The following KIZ variants were observed in gnomAD, a reference collection of about 807,000 sequenced individuals.
KIZ encodes the protein kizuna centrosomal protein, also known as centrosomal protein kizuna.
A neutral mutation model predicts 79.6 loss-of-function variants in KIZ; 68 were observed. The observed-to-expected ratio is 0.85, with a 90% CI of 0.70 to 1.05. The LOEUF (loss-of-function observed/expected upper bound fraction) is 1.05. Ranked by LOEUF, KIZ falls within the 50% of genes least tolerant of loss-of-function variation. The probability of loss-of-function intolerance (pLI) is 0.00; values close to 1 mark genes in which losing one functional copy is unlikely to be tolerated. For missense variants in KIZ, 797 were observed against 800.4 expected, an observed-to-expected ratio of 1.00 and a Z score of 0.05; for synonymous variants, 280 against 281.8, an observed-to-expected ratio of 0.99 and a Z score of 0.06.
chr20:21,172,840 T>G (rs1235030828), intron 6 of KIZ, among the ~76,000 whole-genome samples: 1 of 152,130 alleles, frequency 6.6e-6, no homozygotes, highest in African/African-American at 2.4e-5. Context: ...GTCTCTTAGT[T>G]TATACTTCTT....
intron 6 of KIZ, among the ~76,000 whole-genome samples, chr20:21,171,729 G>A (rs1400097142): frequency 6.6e-6 from 1 of 152,234 alleles, no homozygotes; most frequent in Non-Finnish European, 1.5e-5. Context: ...ACAGGCATGA[G>A]CCACCATGCC....
chr20:21,152,341 A>G (rs2033160341), intron 4 of KIZ, among the ~76,000 whole-genome samples: 1 of 152,194 alleles, frequency 6.6e-6, no homozygotes. Flanking sequence ...TGGTTAGTTC[A>G]TTTTAGGAAG....
intron 6 of KIZ, among the ~76,000 whole-genome samples, chr20:21,167,302 G>A (rs533434308): frequency 1.4e-4 from 21 of 152,310 alleles, no homozygotes; most frequent in African/African-American, 4.6e-4. Context: ...TAATGACTGG[G>A]AACAGGCTGA....
chr20:21,167,656 G>A (rs539271938), intron 6 of KIZ, among the ~76,000 whole-genome samples: 1 of 149,000 alleles, frequency 6.7e-6, no homozygotes, highest in East Asian at 2.1e-4. Context: ...CCACCTCCCG[G>A]GTGCAAGCTA....
At chr20:21,224,592 C>T (rs1057327638) in intron 9 of KIZ, among the ~76,000 whole-genome samples, 3 of 152,202 alleles carry the variant, frequency 2.0e-5, no homozygotes, top group African/African-American at 7.2e-5. Flanking sequence ...GGTTCAAGGT[C>T]GGTTTTTTAG....
intron 4 of KIZ, among the ~76,000 whole-genome samples, chr20:21,145,974 A>G (rs548011861): frequency 1.3e-5 from 2 of 152,344 alleles, no homozygotes; most frequent in East Asian, 3.9e-4. Context: ...TGAAAAGTAA[A>G]CAAAATATGG....
chr20:21,204,930 G>A (rs2035754224), intron 6 of KIZ, among the ~76,000 whole-genome samples: 1 of 152,140 alleles, frequency 6.6e-6, no homozygotes, highest in South Asian at 2.1e-4. Flanking sequence ...GACCATCTAT[G>A]CAGTGATTCA....
chr20:21,162,964 A>G lies in KIZ; in HGVS notation c.1157A>G (p.Asp386Gly). The G allele has an allele frequency of 1.2e-6, 2 of 1,613,902 alleles. No homozygotes were observed. Among genetic ancestry groups the G allele is most frequent in the Non-Finnish European group, 1.7e-6 (2 of 1,179,832 alleles). ...SDLTISISEDDLILESPEPQP... is the reference protein window; with the variant it reads ...SDLTISISEDGLILESPEPQP... ...CTTACCATTTCAATAAGTGAAGATG[A>G]TCTGATTTTAGAGAGCCCAGAACCA... is the stretch of plus-strand genomic sequence containing the variant. Residue 386 changes from aspartate (D) to glycine (G), a missense_variant, in exon 6 of 13, where the codon GAT (aspartate) becomes GGT (glycine). Transcript: ENST00000619189.
At chr20:21,232,120 C>T (rs922700376) in intron 10 of KIZ, among the ~76,000 whole-genome samples, 1 of 152,196 alleles carries the variant, frequency 6.6e-6, no homozygotes, top group Non-Finnish European at 1.5e-5. Flanking sequence ...AGGCTGAGAA[C>T]TCCCAAGAGG....
At chr20:21,236,859 G>A (rs943710063) in intron 11 of KIZ, among the ~76,000 whole-genome samples, 2 of 151,942 alleles carry the variant, frequency 1.3e-5, no homozygotes, top group Non-Finnish European at 2.9e-5. Flanking sequence ...AATTAGCCAG[G>A]TGTGGTGGTG....
chr20:21,205,379 G>C, intron 6 of KIZ, 112 bp from the exon 7 acceptor site: 1 of 523,426 alleles, frequency 1.9e-6, no homozygotes, highest in East Asian at 3.3e-5. Context: ...AATATGTTGA[G>C]TTCCAGACTT....
chr20:21,231,992 C>A (rs2036849775), intron 10 of KIZ, among the ~76,000 whole-genome samples: 2 of 152,184 alleles, frequency 1.3e-5, no homozygotes, highest in Admixed American at 1.3e-4. Flanking sequence ...AGTGTACATG[C>A]AAGCAGGCAG....
At chr20:21,154,833 G>A (rs2033295712) in intron 4 of KIZ, among the ~76,000 whole-genome samples, 1 of 152,142 alleles carries the variant, frequency 6.6e-6, no homozygotes, top group Non-Finnish European at 1.5e-5. Context: ...CTGTTGCTAA[G>A]CTAATAAAAT....
intron 9 of KIZ, among the ~76,000 whole-genome samples, chr20:21,220,124 A>G (rs570669571): frequency 1.5e-4 from 23 of 149,624 alleles, no homozygotes; most frequent in Non-Finnish European, 3.1e-4. Flanking sequence ...TACAATATAT[A>G]TTAGTTATAT....
rs535014495 is a variant in KIZ at position 21,173,727 on chromosome 20, T to G, written c.1352+10568T>G. ...AAGGAACATGTAGGAGGCACAGACT[T>G]GAAGGAAAGAAAATCAAGACAGAAG... On this transcript the variant is annotated intron_variant, in intron 6 of 12. Coordinates refer to ENST00000619189, the MANE Select transcript of KIZ (RefSeq NM_018474.6). Among the ~76,000 whole-genome samples, 4 of 152,062 alleles carry G rather than the reference T, an allele frequency of 2.6e-5. 1 individual carries two copies. The highest frequency in any genetic ancestry group is 9.6e-5 in the African/African-American group (4 of 41,470).
chr20:21,133,694 CAG>C (rs536115950), intron 2 of KIZ, among the ~76,000 whole-genome samples: 22 of 152,344 alleles, frequency 1.4e-4, no homozygotes, highest in African/African-American at 5.1e-4. Context: ...TGCCAGAAGG[CAG>C]AGTCTGAGAC....
At chr20:21,232,056 G>C (rs1266717194) in intron 10 of KIZ, among the ~76,000 whole-genome samples, 2 of 152,220 alleles carry the variant, frequency 1.3e-5, no homozygotes, top group African/African-American at 2.4e-5. Context: ...CATGCATGCT[G>C]TATCTGTGAT....
chr20:21,138,373 C>G (rs2032317729), intron 3 of KIZ, among the ~76,000 whole-genome samples: 1 of 152,092 alleles, frequency 6.6e-6, no homozygotes, highest in Non-Finnish European at 1.5e-5. Flanking sequence ...GAAATGTGGT[C>G]TAAACAAGCA....
chr20:21,205,261 T>G (rs1479118662), intron 6 of KIZ, among the ~76,000 whole-genome samples: 2 of 152,170 alleles, frequency 1.3e-5, no homozygotes, highest in Non-Finnish European at 2.9e-5. Flanking sequence ...CTCCCCAGGT[T>G]GTTCTGTGTG....
Sources: gnomAD v4.1 joint callset for allele counts (sites outside exome capture counted in the v4.1 genomes callset) on GRCh38, gnomAD v4.1.1 for gene constraint, MANE v1.5 for transcripts, NCBI Gene and HGNC (gene_info 2026-07-23, HGNC 2026-07-21) for gene names.